RPS6KC1: variants seen among roughly 807,000 people sequenced by gnomAD.
RPS6KC1 encodes the protein inactive ribosomal protein S6 kinase delta-1.
RPS6KC1 carries 54 observed loss-of-function variants against 103.8 expected under a neutral mutation model. The observed-to-expected ratio is 0.52, with a 90% CI of 0.42 to 0.65. The LOEUF is 0.65. Among genes scored for constraint, RPS6KC1 ranks in the 30% least tolerant of loss-of-function variants. The probability of loss-of-function intolerance (pLI) is 0.00; values close to 1 mark genes in which losing one functional copy is unlikely to be tolerated. For missense variants in RPS6KC1, 1,151 were observed against 1,253.8 expected (o/e 0.92, Z 1.24); for synonymous variants, 439 against 438.7 (o/e 1.00, Z -0.01).
At chr1:213,789,510 C>T in the RPS6KC1 span, among the ~76,000 whole-genome samples, 1 of 152,150 alleles carries the variant, frequency 6.6e-6, no homozygotes, top group Non-Finnish European at 1.5e-5. Flanking sequence ...GTGATCTGTC[C>T]TGACACGTAG....
chr1:213,444,547 G>C, the RPS6KC1 span, among the ~76,000 whole-genome samples: 1 of 151,956 alleles, frequency 6.6e-6, no homozygotes, highest in Non-Finnish European at 1.5e-5. Flanking sequence ...CAATCATATG[G>C]GTGAGATTTT....
chr1:213,347,506 C>A, the RPS6KC1 span, among the ~76,000 whole-genome samples: 1 of 152,088 alleles, frequency 6.6e-6, no homozygotes, highest in Non-Finnish European at 1.5e-5. Context: ...GAGTTTGAGA[C>A]CAGCCTGGTC....
At chr1:213,518,988 A>C in the RPS6KC1 span, among the ~76,000 whole-genome samples, 2 of 152,210 alleles carry the variant, frequency 1.3e-5, no homozygotes, top group Non-Finnish European at 2.9e-5. Context: ...TTTTGTAAGA[A>C]AATTTAATTA....
chr1:213,443,331 A>G, the RPS6KC1 span, among the ~76,000 whole-genome samples: 1 of 152,248 alleles, frequency 6.6e-6, no homozygotes, highest in African/African-American at 2.4e-5. Flanking sequence ...CCTGTCATCT[A>G]AAAATTTGTT....
At chr1:213,626,780 G>A in the RPS6KC1 span, among the ~76,000 whole-genome samples, 17 of 152,072 alleles carry the variant, frequency 1.1e-4, no homozygotes, top group Non-Finnish European at 2.1e-4. Flanking sequence ...TGTTCCATTG[G>A]CCTATATCTC....
chr1:213,741,713 A>G, the RPS6KC1 span, among the ~76,000 whole-genome samples: 3 of 152,100 alleles, frequency 2.0e-5, no homozygotes, highest in Non-Finnish European at 4.4e-5. Context: ...ATTTACAAGT[A>G]TGGTGCCTCC....
At chr1:213,672,312 C>A in the RPS6KC1 span, among the ~76,000 whole-genome samples, 1 of 152,224 alleles carries the variant, frequency 6.6e-6, no homozygotes, top group Non-Finnish European at 1.5e-5. Flanking sequence ...CTCTTGAAAG[C>A]CTTGTCCATA....
the RPS6KC1 span, among the ~76,000 whole-genome samples, chr1:213,638,227 T>G: frequency 6.6e-6 from 1 of 152,294 alleles, no homozygotes; most frequent in African/African-American, 2.4e-5. Flanking sequence ...TGCCGAATTT[T>G]TAGCTGGATT....
At chr1:213,855,020 G>C in the RPS6KC1 span, among the ~76,000 whole-genome samples, 2 of 152,204 alleles carry the variant, frequency 1.3e-5, no homozygotes, top group African/African-American at 4.8e-5. Context: ...TTCACACCAT[G>C]TCCTCACATG....
At chr1:213,335,237 A>C in the RPS6KC1 span, among the ~76,000 whole-genome samples, 2 of 152,254 alleles carry the variant, frequency 1.3e-5, no homozygotes, top group Non-Finnish European at 2.9e-5. Context: ...ATAGGATGGC[A>C]GAAAGCTTAT....
chr1:213,570,418 C>G, the RPS6KC1 span, among the ~76,000 whole-genome samples: 12,925 of 152,180 alleles, frequency 0.085, 724 homozygotes, highest in East Asian at 0.11. Context: ...GCCCTTGTTA[C>G]GGACCCACGT....
At chr1:213,184,984 A>ATC (rs2092455858) in intron 8 of RPS6KC1, among the ~76,000 whole-genome samples, 1 of 152,176 alleles carries the variant, frequency 6.6e-6, no homozygotes, top group Non-Finnish European at 1.5e-5. Context: ...AATATTCTGA[A>ATC]AATGTCAGTA....
chr1:213,647,615 C>T, the RPS6KC1 span, among the ~76,000 whole-genome samples: 1 of 152,152 alleles, frequency 6.6e-6, no homozygotes, highest in Non-Finnish European at 1.5e-5. Context: ...AGGTTCCTTT[C>T]AGCTCTCACT....
chr1:213,857,962 C>T, the RPS6KC1 span, among the ~76,000 whole-genome samples: 60 of 152,262 alleles, frequency 3.9e-4, 1 homozygote, highest in East Asian at 0.01. Flanking sequence ...CAAAGGCTCA[C>T]GTCATGTCAA....
the RPS6KC1 span, among the ~76,000 whole-genome samples, chr1:213,370,044 G>A: frequency 0.032 from 4,815 of 152,212 alleles, 105 homozygotes; most frequent in African/African-American, 0.055. Context: ...TGAGGACATA[G>A]GATGGTCTTA....
At chr1:213,296,090 T>C in the RPS6KC1 span, among the ~76,000 whole-genome samples, 1 of 152,236 alleles carries the variant, frequency 6.6e-6, no homozygotes, top group Non-Finnish European at 1.5e-5. Flanking sequence ...GCCATGCAAA[T>C]GGATTATCTT....
chr1:213,850,744 T>A, the RPS6KC1 span, among the ~76,000 whole-genome samples: 1 of 152,062 alleles, frequency 6.6e-6, no homozygotes, highest in South Asian at 2.1e-4. Context: ...TCTTTAATCT[T>A]TGGACACTGG....
chr1:213,457,274 G>A, the RPS6KC1 span, among the ~76,000 whole-genome samples: 1 of 152,178 alleles, frequency 6.6e-6, no homozygotes, highest in East Asian at 1.9e-4. Flanking sequence ...CCAGCTCCAC[G>A]CCATCCTCGG....
chr1:213,491,395 A>G, the RPS6KC1 span, among the ~76,000 whole-genome samples: 1 of 152,246 alleles, frequency 6.6e-6, no homozygotes, highest in East Asian at 1.9e-4. Context: ...CTAAAATCCA[A>G]AAATTAATCG....
Sources: allele counts gnomAD v4.1 joint callset (sites outside exome capture counted in the v4.1 genomes callset), GRCh38; gene constraint gnomAD v4.1.1; transcripts MANE v1.5; gene names NCBI Gene and HGNC (gene_info 2026-07-23, HGNC 2026-07-21).